Variants in DEPDC4 observed in about 807,000 individuals in gnomAD.
DEPDC4 encodes the protein DEP domain containing 4.
DEPDC4 carries 52 observed loss-of-function variants against 52.0 expected under a neutral mutation model. That is an observed-to-expected ratio of 1.00 (90% CI 0.80 to 1.26). The LOEUF is 1.26. Ranked by LOEUF, DEPDC4 falls within the 50% of genes most tolerant of loss-of-function variation. The pLI, the probability that DEPDC4 is intolerant of heterozygous loss-of-function variation, is 0.00. For missense variants in DEPDC4, 530 were observed against 546.9 expected, an observed-to-expected ratio of 0.97 and a Z score of 0.31; for synonymous variants, 201 against 196.8, an observed-to-expected ratio of 1.02 and a Z score of -0.18.
chr12:100,241,848 G>GTA lies in DEPDC4; in HGVS notation c.*47-4_*47-3insTA. 9.9e-7 allele frequency: 1 copy of GTA among 1,012,938 alleles called. No individual in the cohort carries two copies. The highest frequency in any genetic ancestry group is 1.2e-6 in the Non-Finnish European group (1 of 841,118). 62.7% of individuals were successfully genotyped at this position (1,012,938 alleles called of 1,614,324 possible). ...CAAGGGTTGGCAAAACGTAAAGCCT[G>GTA]GAAAAAAAAAAAAAAAACAAAAGAA... On this transcript the variant is annotated splice_polypyrimidine_tract_variant and splice_region_variant and intron_variant, in intron 9 of 9. Transcript: ENST00000550587.
intron 3 of DEPDC4, among the ~76,000 whole-genome samples, chr12:100,258,014 TA>T (rs2096241286): frequency 6.8e-6 from 1 of 146,130 alleles, no homozygotes; most frequent in Non-Finnish European, 1.5e-5. Context: ...GATAGATAGA[TA>T]GATAGATAGG....
chr12:100,260,141 A>G (rs1172905599), intron 3 of DEPDC4, among the ~76,000 whole-genome samples: 12 of 151,458 alleles, frequency 7.9e-5, no homozygotes, highest in Non-Finnish European at 1.6e-4. Context: ...TTTTTTTGAG[A>G]CAGAGTTTCG....
chr12:100,269,647 G>T (rs1263278219), upstream of DEPDC4, among the ~76,000 whole-genome samples: 1 of 152,146 alleles, frequency 6.6e-6, no homozygotes, highest in African/African-American at 2.4e-5. Context: ...ATTAGAAATA[G>T]TGTTAGGGTG....
intron 4 of DEPDC4, among the ~76,000 whole-genome samples, chr12:100,254,527 T>C (rs1162075824): frequency 1.3e-5 from 2 of 151,946 alleles, no homozygotes; most frequent in Non-Finnish European, 2.9e-5. Context: ...GGTTTTACTA[T>C]GGTTGCTCAG....
intron 8 of DEPDC4, among the ~76,000 whole-genome samples, chr12:100,244,387 T>C (rs1338266958): frequency 6.6e-6 from 1 of 151,456 alleles, no homozygotes; most frequent in Non-Finnish European, 1.5e-5. Context: ...TTCACTGTGT[T>C]AGCCAGGACG....
chr12:100,261,695 A>G (rs1366620867), intron 3 of DEPDC4: 5 of 456,606 alleles, frequency 1.1e-5, no homozygotes, highest in African/African-American at 4.0e-5. Flanking sequence ...ATTGTAAAAA[A>G]TGAATTAAGT....
At chr12:100,277,753 G>T in the DEPDC4 span, among the ~76,000 whole-genome samples, 2 of 151,806 alleles carry the variant, frequency 1.3e-5, no homozygotes, top group African/African-American at 4.8e-5. Flanking sequence ...TATTTATTTT[G>T]TATTTGCCAC....
intron 3 of DEPDC4, among the ~76,000 whole-genome samples, chr12:100,260,203 C>T (rs539025416): frequency 6.6e-6 from 1 of 151,996 alleles, no homozygotes; most frequent in African/African-American, 2.4e-5. Flanking sequence ...TTACTGCAAC[C>T]TTTGCCTCCC....
chr12:100,266,720 C>G (rs886418624), intron 1 of DEPDC4, among the ~76,000 whole-genome samples, 200 bp downstream of exon 1: 2 of 152,194 alleles, frequency 1.3e-5, no homozygotes, highest in African/African-American at 2.4e-5. Context: ...CCTGCACGCT[C>G]CAAGGGCACT....
chr12:100,274,507 T>C, the DEPDC4 span, among the ~76,000 whole-genome samples: 1 of 152,216 alleles, frequency 6.6e-6, no homozygotes, highest in African/African-American at 2.4e-5. Flanking sequence ...GTTATTAACA[T>C]CTGTCCTGAA....
chr12:100,252,215 C>A lies in DEPDC4; in HGVS notation c.1335G>T (p.Leu445=). The A allele has an allele frequency of 1.5e-6, 2 of 1,294,912 alleles. No homozygotes were observed. Among genetic ancestry groups the A allele is most frequent in the Non-Finnish European group, 2.0e-6 (2 of 1,012,798 alleles). The allele number at this position is 1,294,912 out of a possible 1,614,324, so 80.2% of individuals were successfully genotyped here. A position where few individuals can be genotyped will look rare whatever the true frequency, so the allele number is the denominator to read the frequency against. The change falls in exon 7 of 10, where the codon CTG becomes CTT. Residue 445 remains leucine, a synonymous_variant. Transcript: ENST00000550587. The stretch of plus-strand genomic sequence containing the variant: ...AGTGGTACTCCAGTGGAAACCAGAC[C>A]AGTTGTTCTGCCCGCACTTTTAATA... ...KSLLKVRAEQ[L]VWFPLEYHSE... is the part of the protein sequence containing the mutation.
At chr12:100,272,533 T>C in the DEPDC4 span, among the ~76,000 whole-genome samples, 1 of 152,100 alleles carries the variant, frequency 6.6e-6, no homozygotes, top group African/African-American at 2.4e-5. Flanking sequence ...GTCTGGACGG[T>C]TTTTTCTAAG....
At chr12:100,254,155 A>G (rs1017148023) in intron 4 of DEPDC4, among the ~76,000 whole-genome samples, 1 of 151,952 alleles carries the variant, frequency 6.6e-6, no homozygotes, top group Non-Finnish European at 1.5e-5. Context: ...CCCCAATAAG[A>G]TAAGAAATTT....
At chr12:100,274,886 C>T in the DEPDC4 span, among the ~76,000 whole-genome samples, 1 of 152,128 alleles carries the variant, frequency 6.6e-6, no homozygotes, top group African/African-American at 2.4e-5. Flanking sequence ...CCTGTGGATC[C>T]CTTCTCACAG....
chr12:100,269,225 A>T (rs1479324808), upstream of DEPDC4, among the ~76,000 whole-genome samples: 1 of 152,024 alleles, frequency 6.6e-6, no homozygotes, highest in Non-Finnish European at 1.5e-5. Context: ...GTGCTTTCTG[A>T]CATTCCCTTT....
intron 3 of DEPDC4, among the ~76,000 whole-genome samples, chr12:100,256,599 G>T (rs2096233674): frequency 6.6e-6 from 1 of 151,124 alleles, no homozygotes; most frequent in East Asian, 1.9e-4. Flanking sequence ...TAGCAACATA[G>T]ATAATTGTAG....
chr12:100,270,891 T>C (rs1055880697), upstream of DEPDC4, among the ~76,000 whole-genome samples: 6 of 152,084 alleles, frequency 3.9e-5, no homozygotes, highest in African/African-American at 1.4e-4. Context: ...GCTTTTCATC[T>C]AGTAGGTACC....
chr12:100,266,389 C>T (rs563432279), intron 1 of DEPDC4, among the ~76,000 whole-genome samples: 1 of 152,154 alleles, frequency 6.6e-6, no homozygotes, highest in South Asian at 2.1e-4. Flanking sequence ...AAGTGATGGG[C>T]GGAGGTGGGC....
At chr12:100,281,945 A>T in the DEPDC4 span, among the ~76,000 whole-genome samples, 1 of 152,140 alleles carries the variant, frequency 6.6e-6, no homozygotes, top group Non-Finnish European at 1.5e-5. Context: ...AACACCTGTG[A>T]AAAGGGGTGG....
Sources: gnomAD v4.1 joint callset for allele counts (sites outside exome capture counted in the v4.1 genomes callset) on GRCh38, gnomAD v4.1.1 for gene constraint, MANE v1.5 for transcripts, NCBI Gene and HGNC (gene_info 2026-07-23, HGNC 2026-07-21) for gene names.